NPAS3: variants seen among roughly 807,000 people sequenced by gnomAD.
The protein encoded by NPAS3 is neuronal PAS domain-containing protein 3.
NPAS3 carries 14 observed loss-of-function variants against 73.1 expected under a neutral mutation model. That is an observed-to-expected ratio of 0.19 (90% confidence interval 0.13 to 0.30). The LOEUF (loss-of-function observed/expected upper bound fraction) is 0.30, where lower values mean the gene tolerates loss of function less well. Among genes scored for constraint, NPAS3 ranks in the 10% least tolerant of loss-of-function variants. The pLI, the probability that NPAS3 is intolerant of heterozygous loss-of-function variation, is 1.00. For missense variants in NPAS3, 1,096 were observed against 1,250.0 expected, an observed-to-expected ratio of 0.88 and a Z score of 1.86; for synonymous variants, 620 against 541.5, an observed-to-expected ratio of 1.14 and a Z score of -2.01.
intron 5 of NPAS3, among the ~76,000 whole-genome samples, chr14:33,597,967 G>T (rs1306528097): frequency 6.6e-6 from 1 of 152,138 alleles, no homozygotes; most frequent in Non-Finnish European, 1.5e-5. Flanking sequence ...CTCCAAAGTT[G>T]CTAAATTTCT....
intron 3 of NPAS3, among the ~76,000 whole-genome samples, chr14:33,344,789 C>T (rs1408439623): frequency 1.3e-5 from 2 of 152,170 alleles, no homozygotes; most frequent in African/African-American, 4.8e-5. Context: ...CAGTAGGCAA[C>T]TCCATCCCAC....
intron 4 of NPAS3, among the ~76,000 whole-genome samples, chr14:33,511,522 C>A (rs985199428): frequency 6.6e-6 from 1 of 152,030 alleles, no homozygotes; most frequent in Non-Finnish European, 1.5e-5. Context: ...TCAAAAGGTA[C>A]ATTTGGTGAC....
At chr14:33,106,016 C>T (rs932315864) in intron 2 of NPAS3, among the ~76,000 whole-genome samples, 33 of 152,104 alleles carry the variant, frequency 2.2e-4, no homozygotes, top group African/African-American at 7.5e-4. Context: ...CAAACTCAAC[C>T]AAACATGAAT....
At chr14:32,966,511 A>C (rs2037165498) in intron 1 of NPAS3, among the ~76,000 whole-genome samples, 1 of 152,188 alleles carries the variant, frequency 6.6e-6, no homozygotes, top group Admixed American at 6.5e-5. Context: ...GGAAGAATAA[A>C]ACTAGACGGT....
chr14:32,987,211 CAA>C (rs2038135457), intron 1 of NPAS3, among the ~76,000 whole-genome samples: 1 of 149,300 alleles, frequency 6.7e-6, no homozygotes, highest in South Asian at 2.1e-4. Context: ...TAAAAATACA[CAA>C]GTTTGTGTCA....
chr14:33,500,950 G>C (rs1413077661), intron 4 of NPAS3, among the ~76,000 whole-genome samples: 1 of 151,932 alleles, frequency 6.6e-6, no homozygotes, highest in Non-Finnish European at 1.5e-5. Flanking sequence ...AGGCTTCCTT[G>C]CTAATTAGGA....
intron 4 of NPAS3, among the ~76,000 whole-genome samples, chr14:33,543,100 T>A (rs2054595265): frequency 6.6e-6 from 1 of 152,216 alleles, no homozygotes; most frequent in Non-Finnish European, 1.5e-5. Flanking sequence ...GAACGCATGC[T>A]GATGAAAAGA....
intron 3 of NPAS3, among the ~76,000 whole-genome samples, chr14:33,297,145 G>A (rs920654674): frequency 2.6e-5 from 4 of 152,074 alleles, no homozygotes; most frequent in Non-Finnish European, 4.4e-5. Context: ...TGAGAACATC[G>A]ATTTGAAATG....
In NPAS3 at chr14:33,231,786, G is replaced by A. The variant is rs557082447; in HGVS notation, c.385+16360G>A. 5.9e-5 allele frequency among the ~76,000 whole-genome samples: 9 copies of A among 152,134 alleles called. No individual in the cohort carries two copies. The South Asian group carries it at 1.9e-3, about 32-fold the overall frequency. On this transcript the variant is annotated intron_variant, in intron 3 of 11. Coordinates refer to ENST00000356141, the Ensembl canonical transcript of NPAS3. ...TATCTAAGTAAGGGGGAAAAGAAGG[G>A]GTGTTCAAAGACTCTTTAAGTAAAC...
At chr14:33,127,207 T>C (rs907319795) in intron 2 of NPAS3, among the ~76,000 whole-genome samples, 73 of 152,138 alleles carry the variant, frequency 4.8e-4, no homozygotes, top group African/African-American at 1.6e-3. Flanking sequence ...TTGTTTCTGA[T>C]TTTAAATGAG....
At chr14:33,395,959 T>C (rs1423306013) in intron 4 of NPAS3, among the ~76,000 whole-genome samples, 3 of 152,132 alleles carry the variant, frequency 2.0e-5, no homozygotes, top group Admixed American at 2.0e-4. Flanking sequence ...ACCAGGTGCC[T>C]CCTAGTTCTG....
chr14:33,309,519 T>C (rs1028698863), intron 3 of NPAS3, among the ~76,000 whole-genome samples: 33 of 152,130 alleles, frequency 2.2e-4, no homozygotes, highest in African/African-American at 7.2e-4. Flanking sequence ...TTCCAAGCAA[T>C]TAGGATAGGA....
At position 33,664,154 on chromosome 14, in the gene NPAS3, C is replaced by T. The variant is rs192832652; in HGVS notation, c.559-12057C>T. 9.7e-4 allele frequency among the ~76,000 whole-genome samples: 147 copies of T among 152,284 alleles called. 7 individuals are homozygous for T. The East Asian group carries it at 0.027, about 28-fold the overall frequency. ...CTACAGTAATCAAAACAGTGTGGTA[C>T]TGGTACCAAAACAGATATACAGACC... On this transcript the variant is annotated intron_variant, in intron 5 of 11. Coordinates refer to ENST00000356141, the Ensembl canonical transcript of NPAS3.
intron 1 of NPAS3, among the ~76,000 whole-genome samples, chr14:33,000,785 G>T (rs929329220): frequency 6.6e-6 from 1 of 152,194 alleles, no homozygotes; most frequent in Admixed American, 6.5e-5. Flanking sequence ...AAGGACTATT[G>T]TCAGCTGGGG....
At chr14:33,305,969 G>C (rs1305426636) in intron 3 of NPAS3, among the ~76,000 whole-genome samples, 1 of 152,144 alleles carries the variant, frequency 6.6e-6, no homozygotes, top group East Asian at 1.9e-4. Flanking sequence ...GCTGACCTAG[G>C]AGTAGGGTAG....
At chr14:33,147,238 A>G (rs1259833715) in intron 2 of NPAS3, among the ~76,000 whole-genome samples, 2 of 152,188 alleles carry the variant, frequency 1.3e-5, no homozygotes, top group East Asian at 3.9e-4. Flanking sequence ...AAGTGAATAA[A>G]GAAGACATGT....
intron 1 of NPAS3, among the ~76,000 whole-genome samples, chr14:32,970,309 T>A (rs1270057713): frequency 6.6e-6 from 1 of 152,158 alleles, no homozygotes; most frequent in Non-Finnish European, 1.5e-5. Context: ...GTTGCTTTCA[T>A]TACCCTCAAA....
At chr14:33,594,284 G>C (rs2057165340) in intron 5 of NPAS3, among the ~76,000 whole-genome samples, 1 of 152,046 alleles carries the variant, frequency 6.6e-6, no homozygotes, top group Non-Finnish European at 1.5e-5. Flanking sequence ...TGTTGTTGTT[G>C]TTGTTGTTGT....
At chr14:33,718,875 C>G (rs1205839757) in intron 6 of NPAS3, among the ~76,000 whole-genome samples, 1 of 152,134 alleles carries the variant, frequency 6.6e-6, no homozygotes, top group African/African-American at 2.4e-5. Flanking sequence ...CCTGTAATGA[C>G]AGCACTTTGG....
Sources: gnomAD v4.1 joint callset for allele counts (sites outside exome capture counted in the v4.1 genomes callset) on GRCh38, gnomAD v4.1.1 for gene constraint, MANE v1.5 for transcripts, NCBI Gene and HGNC (gene_info 2026-07-23, HGNC 2026-07-21) for gene names.